Variants in SEMA6D observed in about 807,000 individuals in gnomAD.
SEMA6D encodes the protein semaphorin 6D.
In SEMA6D, 35 loss-of-function variants were observed where a neutral mutation model predicts 106.6. The observed-to-expected ratio is 0.33, with a 90% CI of 0.25 to 0.44. SEMA6D has a LOEUF of 0.44. Ranked by LOEUF, SEMA6D falls within the 20% of genes least tolerant of loss-of-function variation. SEMA6D has a pLI of 1.00. For missense variants in SEMA6D, 1,185 were observed against 1,345.9 expected (o/e 0.88, Z 1.87); for synonymous variants, 499 against 487.7 (o/e 1.02, Z -0.31).
At chr15:47,368,346 A>G (rs1480226201) in intron 1 of SEMA6D, among the ~76,000 whole-genome samples, 2 of 152,228 alleles carry the variant, frequency 1.3e-5, no homozygotes, top group East Asian at 3.8e-4. Flanking sequence ...TCATTAGGCA[A>G]CAAAGTAGGT....
chr15:47,765,413 C>T (rs1193146430), intron 13 of SEMA6D: 1 of 1,061,886 alleles, frequency 9.4e-7, no homozygotes, highest in South Asian at 3.7e-5. Context: ...CACATACATA[C>T]ACAGAATGCA....
At chr15:47,576,984 A>G (rs1425464819) in intron 3 of SEMA6D, among the ~76,000 whole-genome samples, 1 of 152,190 alleles carries the variant, frequency 6.6e-6, no homozygotes, top group African/African-American at 2.4e-5. Flanking sequence ...AATGCTTGCT[A>G]TTACCTACAG....
intron 1 of SEMA6D, among the ~76,000 whole-genome samples, chr15:47,298,257 T>C (rs6493268): frequency 0.99 from 150,716 of 152,280 alleles, 74,596 homozygotes; most frequent in Middle Eastern, 1. Context: ...CCTGTGGAGC[T>C]CCCAGGTGTG....
chr15:47,505,519 A>G (rs1216391065), intron 3 of SEMA6D, among the ~76,000 whole-genome samples: 1 of 152,224 alleles, frequency 6.6e-6, no homozygotes, highest in African/African-American at 2.4e-5. Context: ...AGTGGCTATG[A>G]GTACAGTATT....
intron 1 of SEMA6D, among the ~76,000 whole-genome samples, chr15:47,214,235 G>A (rs898934733): frequency 2.6e-5 from 4 of 152,162 alleles, no homozygotes; most frequent in Non-Finnish European, 5.9e-5. Flanking sequence ...AGTGTAAAAA[G>A]TACGACTTAA....
chr15:47,724,788 G>C (rs931237555), intron 1 of SEMA6D, among the ~76,000 whole-genome samples: 2 of 152,180 alleles, frequency 1.3e-5, no homozygotes, highest in African/African-American at 4.8e-5. Context: ...TAGCCATTCA[G>C]CAGATGGCCC....
intron 1 of SEMA6D, among the ~76,000 whole-genome samples, chr15:47,200,429 A>G (rs79843667): frequency 0.11 from 16,677 of 152,220 alleles, 1,789 homozygotes; most frequent in East Asian, 0.61. Context: ...ATTATATTTT[A>G]TAAAATTCAC....
At chr15:47,442,429 G>GA (rs769912096) in intron 2 of SEMA6D, among the ~76,000 whole-genome samples, 20 of 152,030 alleles carry the variant, frequency 1.3e-4, no homozygotes, top group Non-Finnish European at 2.4e-4. Flanking sequence ...AAGTAGGAAG[G>GA]AACTTTAGCC....
In SEMA6D at chr15:47,768,590, T is replaced by A; in HGVS notation, c.1775T>A (p.Val592Glu). 8 of 1,609,876 alleles carry A rather than the reference T, an allele frequency of 5.0e-6. No homozygotes were observed. The highest frequency in any genetic ancestry group is 6.8e-6 in the Non-Finnish European group (8 of 1,177,242). The change falls in exon 18 of 19, where the codon GTA (valine) becomes GAA (glutamate). Residue 592 changes from valine to glutamate, a missense_variant. Around this residue, in one of 3 missense-constraint regions of SEMA6D, gnomAD observed 750 missense variants for 783.5 expected, o/e 0.96. Coordinates refer to ENST00000536845, the MANE Select transcript of SEMA6D (RefSeq NM_001358351.3). The part of the protein sequence containing the change: ...IFGGPTSDME[V>E]SSSSVTTMAS... ...CTGTTTGCCACCACAGACATGGAGGTATCTTCATCTTCTGTTACCACAATG... is the reference window on the plus strand; with the variant it reads ...CTGTTTGCCACCACAGACATGGAGGAATCTTCATCTTCTGTTACCACAATG...
At chr15:47,328,842 C>T (rs969363415) in intron 1 of SEMA6D, among the ~76,000 whole-genome samples, 5 of 152,174 alleles carry the variant, frequency 3.3e-5, no homozygotes, top group Non-Finnish European at 4.4e-5. Context: ...GGAAAACAGT[C>T]TTATATCTTT....
At chr15:47,598,155 A>G (rs2076574987) in intron 3 of SEMA6D, among the ~76,000 whole-genome samples, 1 of 151,908 alleles carries the variant, frequency 6.6e-6, no homozygotes, top group African/African-American at 2.4e-5. Flanking sequence ...AGGAAATCTC[A>G]AGGGGTGATA....
rs74692185 is a variant in SEMA6D, at chr15:47,427,529, A to T, written c.-159+15057A>T. 0.01 allele frequency among the ~76,000 whole-genome samples: 1,547 copies of T among 152,310 alleles called. 80 individuals carry two copies. The East Asian group carries it at 0.14, about 14-fold the overall frequency. ...TCTTTGGAAAATCTTGATCTCAGAAATACTATCTTTTATATCTTAAATGAA... is the reference window on the plus strand; with the variant it reads ...TCTTTGGAAAATCTTGATCTCAGAATTACTATCTTTTATATCTTAAATGAA... On this transcript the variant is annotated intron_variant, in intron 2 of 19. Coordinates refer to the SEMA6D transcript ENST00000558014.
At chr15:47,418,565 A>G (rs1371194380) in intron 2 of SEMA6D, among the ~76,000 whole-genome samples, 1 of 152,072 alleles carries the variant, frequency 6.6e-6, no homozygotes, top group Non-Finnish European at 1.5e-5. Context: ...TTTGAGGGCT[A>G]TACCCTCATA....
chr15:47,220,949 A>G (rs1471457356), intron 1 of SEMA6D, among the ~76,000 whole-genome samples: 2 of 152,228 alleles, frequency 1.3e-5, no homozygotes, highest in African/African-American at 2.4e-5. Context: ...TTCAATAACC[A>G]CAATGTTAAT....
chr15:47,705,589 A>C lies in SEMA6D; in HGVS notation c.-54-54156A>C, dbSNP rs2078898117. Among the ~76,000 whole-genome samples, 2 of 152,032 alleles carry C rather than the reference A, an allele frequency of 1.3e-5. 1 individual carries two copies. Among genetic ancestry groups the C allele is most frequent in the South Asian group, 4.2e-4 (2 of 4,818 alleles). ...GGGATCTAGAATTCATTCTTCCCTG[A>C]TTTTTTACCCAATCTCTCTCATTTC... is the stretch of plus-strand genomic sequence containing the variant. On this transcript the variant is annotated intron_variant, in intron 4 of 19. Transcript: ENST00000558014.
intron 1 of SEMA6D, among the ~76,000 whole-genome samples, chr15:47,409,671 G>A (rs771144442): frequency 6.6e-6 from 1 of 152,126 alleles, no homozygotes; most frequent in Non-Finnish European, 1.5e-5. Flanking sequence ...AAACTGAGTT[G>A]TAGAGAGGTG....
At chr15:47,296,416 C>A (rs979558632) in intron 1 of SEMA6D, among the ~76,000 whole-genome samples, 2 of 152,160 alleles carry the variant, frequency 1.3e-5, no homozygotes, top group African/African-American at 4.8e-5. Flanking sequence ...ATAAGTGTGG[C>A]ATGCTGAAAA....
chr15:47,675,484 C>T (rs940767500), intron 4 of SEMA6D, among the ~76,000 whole-genome samples: 1 of 152,102 alleles, frequency 6.6e-6, no homozygotes, highest in Non-Finnish European at 1.5e-5. Context: ...AGGAGAGGGA[C>T]CTCAGGGAAA....
At chr15:47,471,929 TCTCACACACACACACA>T (rs929834182) in intron 3 of SEMA6D, among the ~76,000 whole-genome samples, 1 of 106,002 alleles carries the variant, frequency 9.4e-6, no homozygotes, top group Non-Finnish European at 2.0e-5. Flanking sequence ...TCTCTCTCTC[TCTCACACACACACACA>T]CACACACACA....
Sources: gnomAD v4.1 joint callset for allele counts (sites outside exome capture counted in the v4.1 genomes callset) on GRCh38, gnomAD v4.1.1 for gene constraint, gnomAD v4.1.1 regional missense constraint, MANE v1.5 for transcripts, NCBI Gene and HGNC (gene_info 2026-07-23, HGNC 2026-07-21) for gene names.